Variants in CPEB1 observed in about 807,000 individuals in gnomAD.
The protein encoded by CPEB1 is cytoplasmic polyadenylation element binding protein 1.
CPEB1 carries 7 observed loss-of-function variants against 65.8 expected under a neutral mutation model. The ratio of observed to expected loss-of-function variants is 0.11; its 90% CI spans 0.06 to 0.20. The LOEUF (loss-of-function observed/expected upper bound fraction) is 0.20, where lower values mean the gene tolerates loss of function less well. CPEB1 is among the 10% of genes least tolerant of loss of function. The probability of loss-of-function intolerance (pLI) is 1.00; values close to 1 mark genes in which losing one functional copy is unlikely to be tolerated. For synonymous variants in CPEB1, 262 were observed against 260.0 expected, an observed-to-expected ratio of 1.01 and a Z score of -0.08; for missense variants, 551 against 712.2, an observed-to-expected ratio of 0.77 and a Z score of 2.58.
At chr15:82,602,572 G>A (rs1386825597) in intron 3 of CPEB1, among the ~76,000 whole-genome samples, 1 of 152,116 alleles carries the variant, frequency 6.6e-6, no homozygotes, top group Non-Finnish European at 1.5e-5. Flanking sequence ...TCGGCCGGGC[G>A]CGGTGGCTCA....
At chr15:82,647,000 ACGCCAGGCCACATGCACCCACT>A (rs903971487) in intron 1 of CPEB1, 115 bp downstream of exon 1, 3 of 152,586 alleles carry the variant, frequency 2.0e-5, no homozygotes, top group Admixed American at 6.5e-5. Context: ...AATGACCAGA[ACGCCAGGCCACATGCACCCACT>A]CGCCAGGCTG....
intron 1 of CPEB1, chr15:82,629,477 C>T (rs2046059603): frequency 1.0e-6 from 1 of 984,642 alleles, no homozygotes; most frequent in Admixed American, 6.2e-5. Context: ...ATCATGAACC[C>T]TTACACAAAA....
intron 1 of CPEB1, among the ~76,000 whole-genome samples, chr15:82,634,565 G>C (rs562190788): frequency 6.6e-6 from 1 of 152,174 alleles, no homozygotes; most frequent in Non-Finnish European, 1.5e-5. Flanking sequence ...TTAATAGCCA[G>C]TTGAGAAATT....
intron 1 of CPEB1, among the ~76,000 whole-genome samples, chr15:82,633,877 T>C (rs1215524113): frequency 6.6e-6 from 1 of 152,150 alleles, no homozygotes; most frequent in East Asian, 1.9e-4. Flanking sequence ...ATCATTGTTT[T>C]GAAAAGCAGA....
At chr15:82,643,160 T>C (rs1443493117) in intron 1 of CPEB1, among the ~76,000 whole-genome samples, 4 of 152,164 alleles carry the variant, frequency 2.6e-5, no homozygotes, top group African/African-American at 7.2e-5. Context: ...GCTGAGTGCC[T>C]TGCTGGTAAA....
At chr15:82,585,001 G>C (rs2041669194) in intron 3 of CPEB1, among the ~76,000 whole-genome samples, 1 of 138,012 alleles carries the variant, frequency 7.2e-6, no homozygotes, top group African/African-American at 2.8e-5. Flanking sequence ...AAATAAACTT[G>C]AGTAGTTTTT....
chr15:82,572,697 GCT>G (rs1252429971), intron 3 of CPEB1, among the ~76,000 whole-genome samples: 1 of 152,150 alleles, frequency 6.6e-6, no homozygotes, highest in Non-Finnish European at 1.5e-5. Flanking sequence ...TAATCACCTA[GCT>G]CTGTCAATAT....
At chr15:82,569,209 C>G (rs990440645) in intron 4 of CPEB1, among the ~76,000 whole-genome samples, 2 of 152,178 alleles carry the variant, frequency 1.3e-5, no homozygotes, top group Non-Finnish European at 2.9e-5. Flanking sequence ...GGTGGGAGGG[C>G]TGCATCCTAC....
At chr15:82,580,849 C>CTTTT (rs113794355) in intron 3 of CPEB1, among the ~76,000 whole-genome samples, 13 of 147,232 alleles carry the variant, frequency 8.8e-5, no homozygotes, top group Non-Finnish European at 7.5e-5. Flanking sequence ...TCCCCAATTT[C>CTTTT]TTTTTTTTTT....
intron 3 of CPEB1, among the ~76,000 whole-genome samples, chr15:82,623,370 G>A (rs2045484174): frequency 6.6e-6 from 1 of 152,058 alleles, no homozygotes; most frequent in Admixed American, 6.6e-5. Flanking sequence ...AACTAGTGGG[G>A]AAAAGCATAC....
At chr15:82,623,353 T>A (rs1364317478) in intron 3 of CPEB1, among the ~76,000 whole-genome samples, 1 of 152,218 alleles carries the variant, frequency 6.6e-6, no homozygotes, top group African/African-American at 2.4e-5. Context: ...AATGTTTGTT[T>A]TAGAAGAACT....
chr15:82,629,822 G>C (rs1200123084), intron 1 of CPEB1: 3 of 985,306 alleles, frequency 3.0e-6, no homozygotes, highest in Non-Finnish European at 3.6e-6. Context: ...GTGAGCATGA[G>C]AATGACCAAG....
chr15:82,565,712 A>G (rs1461572035), intron 4 of CPEB1, among the ~76,000 whole-genome samples: 1 of 152,170 alleles, frequency 6.6e-6, no homozygotes, highest in Non-Finnish European at 1.5e-5. Context: ...AATCTCCAAT[A>G]ACGGCCAAGG....
intron 10 of CPEB1, among the ~76,000 whole-genome samples, chr15:82,548,156 G>A (rs1053710080): frequency 1.3e-5 from 2 of 152,030 alleles, no homozygotes; most frequent in Non-Finnish European, 2.9e-5. Flanking sequence ...CTAACATGGT[G>A]AAACCCCGTC....
At chr15:82,640,993 A>G (rs2047062776) in intron 1 of CPEB1, 3 of 152,188 alleles carry the variant, frequency 2.0e-5, no homozygotes. Context: ...GTAAGAGTGT[A>G]TGAATTTTAC....
At chr15:82,553,596 C>T (rs962683851) in intron 7 of CPEB1, 40 bp from the exon 8 acceptor site, 2 of 1,423,588 alleles carry the variant, frequency 1.4e-6, no homozygotes, top group South Asian at 1.2e-5. Context: ...GCTGAGGAAC[C>T]ATCTTTCCCA....
At chr15:82,626,143 T>C (rs1225198211) in intron 3 of CPEB1, among the ~76,000 whole-genome samples, 2 of 136,446 alleles carry the variant, frequency 1.5e-5, no homozygotes, top group South Asian at 4.7e-4. Flanking sequence ...AAAAACAAAA[T>C]ATAAAATAAA....
intron 3 of CPEB1, among the ~76,000 whole-genome samples, chr15:82,575,527 C>T (rs918321677): frequency 2.6e-5 from 4 of 152,092 alleles, no homozygotes; most frequent in South Asian, 2.1e-4. Flanking sequence ...AAAATAATTA[C>T]GCAAGCCACA....
chr15:82,607,778 A>C (rs1431748118), intron 3 of CPEB1, among the ~76,000 whole-genome samples: 3 of 152,252 alleles, frequency 2.0e-5, no homozygotes, highest in Admixed American at 6.5e-5. Flanking sequence ...CTATCAAAAA[A>C]AATTTAACAA....
Sources: gnomAD v4.1 joint callset for allele counts (sites outside exome capture counted in the v4.1 genomes callset) on GRCh38, gnomAD v4.1.1 for gene constraint, MANE v1.5 for transcripts, NCBI Gene and HGNC (gene_info 2026-07-23, HGNC 2026-07-21) for gene names.